Variants in SV2C observed in about 807,000 individuals in gnomAD.
SV2C encodes the protein synaptic vesicle glycoprotein 2C.
In SV2C, 49 loss-of-function variants were observed where a neutral mutation model predicts 79.7. That is an observed-to-expected ratio of 0.61 (90% CI 0.49 to 0.78). The LOEUF is 0.78. Ranked by LOEUF, SV2C falls within the 30% of genes least tolerant of loss-of-function variation. SV2C has a pLI of 0.00. For missense variants in SV2C, 833 were observed against 912.9 expected, an observed-to-expected ratio of 0.91 and a Z score of 1.13; for synonymous variants, 334 against 333.2, an observed-to-expected ratio of 1.00 and a Z score of -0.03.
At chr5:75,867,748 T>G in the SV2C span, among the ~76,000 whole-genome samples, 1 of 152,216 alleles carries the variant, frequency 6.6e-6, no homozygotes, top group Non-Finnish European at 1.5e-5. Flanking sequence ...CTTCATTGTC[T>G]CTTCTCACTC....
At chr5:75,945,972 A>G in the SV2C span, among the ~76,000 whole-genome samples, 1 of 152,072 alleles carries the variant, frequency 6.6e-6, no homozygotes, top group Non-Finnish European at 1.5e-5. Flanking sequence ...TTATGTTAGA[A>G]AAAAGAAAGA....
the SV2C span, among the ~76,000 whole-genome samples, chr5:75,958,297 G>C: frequency 5.9e-5 from 9 of 151,928 alleles, no homozygotes; most frequent in Non-Finnish European, 7.4e-5. Flanking sequence ...GCCATGGGGT[G>C]CCCAGATATT....
At chr5:76,299,204 T>C (rs1747893326) in intron 10 of SV2C, among the ~76,000 whole-genome samples, 1 of 152,336 alleles carries the variant, frequency 6.6e-6, no homozygotes, top group African/African-American at 2.4e-5. Flanking sequence ...ACCTAACCTG[T>C]AGTTTATTTG....
At chr5:76,171,628 C>T (rs1463584130) in intron 2 of SV2C, among the ~76,000 whole-genome samples, 17 of 145,070 alleles carry the variant, frequency 1.2e-4, no homozygotes, top group Non-Finnish European at 1.4e-4. Flanking sequence ...GTCAGCCCCC[C>T]GCCCGGCCAG....
the SV2C span, among the ~76,000 whole-genome samples, chr5:75,991,940 C>T: frequency 1.3e-5 from 2 of 151,634 alleles, no homozygotes; most frequent in African/African-American, 4.8e-5. Context: ...GTATCAGTAC[C>T]TGCTCCATTA....
At chr5:76,172,485 G>A (rs1391698877) in intron 2 of SV2C, among the ~76,000 whole-genome samples, 14 of 77,666 alleles carry the variant, frequency 1.8e-4, no homozygotes, top group South Asian at 5.1e-4. Flanking sequence ...GCCTCTGCCC[G>A]GCCGCCCCTA....
At chr5:76,227,397 T>A (rs2112390936) in intron 4 of SV2C, among the ~76,000 whole-genome samples, 1 of 152,284 alleles carries the variant, frequency 6.6e-6, no homozygotes, top group South Asian at 2.1e-4. Context: ...AGAAGGGGCA[T>A]TTCCCCCCTG....
intron 12 of SV2C, among the ~76,000 whole-genome samples, chr5:76,316,569 A>G (rs951736725): frequency 6.6e-6 from 1 of 152,170 alleles, no homozygotes; most frequent in African/African-American, 2.4e-5. Context: ...CCTAGGTTGA[A>G]AACACCTGCT....
intron 2 of SV2C, among the ~76,000 whole-genome samples, chr5:76,146,964 A>G (rs1387772827): frequency 6.6e-6 from 1 of 152,166 alleles, no homozygotes; most frequent in African/African-American, 2.4e-5. Flanking sequence ...AATATTGCCT[A>G]TGAATTATCT....
rs1749200312 is a variant in SV2C, at chr5:76,331,953, C to T, written c.*6406C>T. 6.6e-6 allele frequency: 1 copy of T among 152,146 alleles called. No individual in the cohort carries two copies. The allele number at this position is 152,146 out of a possible 1,614,324, so 9.4% of individuals were successfully genotyped here. On this transcript the variant is annotated 3_prime_UTR_variant, in exon 13 of 13. Transcript: ENST00000502798. Reference sequence around the variant, plus strand: ...CAGCTGGTATGGAATCAGAGCAGCCCATCTCCAGAGCAGAAGTCTGAGAGC... The same window carrying T: ...CAGCTGGTATGGAATCAGAGCAGCCTATCTCCAGAGCAGAAGTCTGAGAGC...
chr5:76,034,087 T>C, the SV2C span, among the ~76,000 whole-genome samples: 1 of 152,012 alleles, frequency 6.6e-6, no homozygotes, highest in African/African-American at 2.4e-5. Context: ...GTGATTTTTG[T>C]ACATTGATTT....
chr5:75,974,100 T>C, the SV2C span, among the ~76,000 whole-genome samples: 2 of 152,022 alleles, frequency 1.3e-5, no homozygotes, highest in African/African-American at 4.8e-5. Context: ...CTATTATTAT[T>C]ATTTATTTTA....
intron 1 of SV2C, among the ~76,000 whole-genome samples, chr5:76,105,099 C>T (rs1204428396): frequency 1.3e-5 from 2 of 152,224 alleles, no homozygotes; most frequent in Non-Finnish European, 2.9e-5. Context: ...GGCCGTAAAT[C>T]CAAGGTGTCC....
chr5:76,349,382 G>A (rs375044707), intron 12 of SV2C, among the ~76,000 whole-genome samples: 9 of 152,056 alleles, frequency 5.9e-5, no homozygotes, highest in East Asian at 3.9e-4. Flanking sequence ...GCATGGTGAC[G>A]CGCACCTGTA....
At chr5:76,349,721 C>T (rs1290524809) in intron 12 of SV2C, among the ~76,000 whole-genome samples, 1 of 148,996 alleles carries the variant, frequency 6.7e-6, no homozygotes, top group Non-Finnish European at 1.5e-5. Context: ...CCAGGCTGGA[C>T]TGCAGTGGCA....
At chr5:76,070,219 T>C in the SV2C span, among the ~76,000 whole-genome samples, 1 of 152,150 alleles carries the variant, frequency 6.6e-6, no homozygotes, top group Non-Finnish European at 1.5e-5. Context: ...ACTGCCCACC[T>C]GCCCATGATC....
chr5:76,285,748 C>A (rs755173118), intron 5 of SV2C, 33 bp from the exon 6 acceptor site: 3 of 1,588,846 alleles, frequency 1.9e-6, no homozygotes, highest in Non-Finnish European at 2.6e-6. Context: ...GTGTGTCACT[C>A]CTAGCGCTTC....
chr5:76,263,519 G>A (rs938209760), intron 4 of SV2C, among the ~76,000 whole-genome samples: 1 of 152,122 alleles, frequency 6.6e-6, no homozygotes, highest in South Asian at 2.1e-4. Context: ...ATGCTAGCTT[G>A]TTATGTTGCC....
chr5:75,871,257 A>G, the SV2C span, among the ~76,000 whole-genome samples: 1 of 152,186 alleles, frequency 6.6e-6, no homozygotes, highest in African/African-American at 2.4e-5. Flanking sequence ...TTTCAAAATC[A>G]AAACACCCAA....
Sources: gnomAD v4.1 joint callset for allele counts (sites outside exome capture counted in the v4.1 genomes callset) on GRCh38, gnomAD v4.1.1 for gene constraint, MANE v1.5 for transcripts, NCBI Gene and HGNC (gene_info 2026-07-23, HGNC 2026-07-21) for gene names.